Variants in KCNA6 observed in about 807,000 individuals in gnomAD.
KCNA6 encodes the protein human brain potassium channel-2.
A neutral mutation model predicts 29.5 loss-of-function variants in KCNA6; 17 were observed. The ratio of observed to expected loss-of-function variants is 0.58; its 90% CI spans 0.39 to 0.86. The LOEUF (loss-of-function observed/expected upper bound fraction) is 0.86, where lower values mean the gene tolerates loss of function less well. KCNA6 is among the 40% of genes least tolerant of loss of function. The probability of loss-of-function intolerance (pLI) is 0.00; values close to 1 mark genes in which losing one functional copy is unlikely to be tolerated. For synonymous variants in KCNA6, 296 were observed against 304.7 expected (o/e 0.97, Z 0.30); for missense variants, 450 against 703.4 (o/e 0.64, Z 4.07).
the KCNA6 span, among the ~76,000 whole-genome samples, chr12:4,827,911 T>C: frequency 8.5e-5 from 13 of 152,382 alleles, no homozygotes; most frequent in Admixed American, 2.6e-4. Flanking sequence ...GGGCTCCTAA[T>C]GTGCTGTTTG....
At chr12:4,823,973 T>C in the KCNA6 span, among the ~76,000 whole-genome samples, 1 of 152,152 alleles carries the variant, frequency 6.6e-6, no homozygotes, top group African/African-American at 2.4e-5. Flanking sequence ...GTGAACAATG[T>C]AGGCAGAAGG....
At chr12:4,834,223 C>A in the KCNA6 span, among the ~76,000 whole-genome samples, 1 of 152,112 alleles carries the variant, frequency 6.6e-6, no homozygotes, top group Non-Finnish European at 1.5e-5. Context: ...GTGTGAGCCA[C>A]CATGCCCAGC....
At chr12:4,850,255 G>T in the KCNA6 span, among the ~76,000 whole-genome samples, 1 of 152,088 alleles carries the variant, frequency 6.6e-6, no homozygotes, top group South Asian at 2.1e-4. The surrounding 1 kb of genome is among the most constrained non-coding windows in gnomAD (Gnocchi z 5.4). Flanking sequence ...CTCTTTCAGG[G>T]AGAGAGGAAC....
chr12:4,827,051 C>T, the KCNA6 span, among the ~76,000 whole-genome samples: 3 of 146,768 alleles, frequency 2.0e-5, no homozygotes, highest in Admixed American at 2.0e-4. Context: ...CCTCTCTTTG[C>T]TTCCTTCCCT....
rs1946634512 is a variant in KCNA6 at position 4,811,764 on chromosome 12, A to G, written c.*133A>G. The G allele has an allele frequency of 2.0e-6, 2 of 982,996 alleles. No individual in the cohort carries two copies. The highest frequency in any genetic ancestry group is 3.0e-6 in the Non-Finnish European group (2 of 656,270). The allele number at this position is 982,996 out of a possible 1,614,324, so 60.9% of individuals were successfully genotyped here. A position where few individuals can be genotyped will look rare whatever the true frequency, so the allele number is the denominator to read the frequency against. On this transcript the variant is annotated 3_prime_UTR_variant, in exon 1 of 1. Transcript: ENST00000280684. This position sits in a 1 kb window ranked among gnomAD's most constrained non-coding sequence, Gnocchi z 7.1. Reference sequence around the variant, plus strand: ...CCCCTACACCCACTACCTGGCATCCAGGACCAAATACCTGGACTATCAACC... The same window carrying G: ...CCCCTACACCCACTACCTGGCATCCGGGACCAAATACCTGGACTATCAACC...
chr12:4,809,995 T>G lies in KCNA6; in HGVS notation c.-47T>G, dbSNP rs1215135293. The G allele has an allele frequency of 1.0e-5, 15 of 1,498,214 alleles. No individual in the cohort carries two copies. In the South Asian group the frequency reaches 1.8e-4, roughly 18 times the overall value. The allele number at this position is 1,498,214 out of a possible 1,614,324, so 92.8% of individuals were successfully genotyped here. A position where few individuals can be genotyped will look rare whatever the true frequency, so the allele number is the denominator to read the frequency against. ...AGCGGGTGCCGCGCTCCAGAGATTG[T>G]GTCGTGGGCGCCGTCCTAGTGGCGG... is the stretch of plus-strand genomic sequence containing the variant. On this transcript the variant is annotated 5_prime_UTR_variant, in exon 1 of 1. Coordinates refer to ENST00000280684, the Ensembl canonical transcript of KCNA6.
the KCNA6 span, among the ~76,000 whole-genome samples, chr12:4,828,420 T>A: frequency 2.0e-5 from 3 of 152,378 alleles, no homozygotes; most frequent in East Asian, 5.8e-4. Context: ...TTGCTTCTAA[T>A]GAACGGTGCT....
rs143629654 is a variant in KCNA6, at chr12:4,810,145, G to A, written c.104G>A (p.Gly35Glu). The A allele has an allele frequency of 6.2e-7, 1 of 1,604,884 alleles. No individual in the cohort carries two copies. The highest frequency in any genetic ancestry group is 8.5e-7 in the Non-Finnish European group (1 of 1,176,046). ...GACTTCCCGGAGGCCGGCGGGGGCGGGGGCTGCTGTAGTAGCGAGCGGCTG... is the reference window on the plus strand; with the variant it reads ...GACTTCCCGGAGGCCGGCGGGGGCGAGGGCTGCTGTAGTAGCGAGCGGCTG... Residue 35 changes from glycine (G) to glutamate (E), a missense_variant, in exon 1 of 1, where the codon GGG becomes GAG. Coordinates refer to ENST00000280684, the Ensembl canonical transcript of KCNA6. The surrounding 1 kb of genome is among the most constrained non-coding windows in gnomAD (Gnocchi z 7.5).
chr12:4,812,144 C>G (rs1946638745), exon 1 of KCNA6: 1 of 171,638 alleles, frequency 5.8e-6, no homozygotes, highest in South Asian at 2.0e-4. Flanking sequence ...ATCACTGGTC[C>G]TCCTGCAGAT....
At position 4,810,347 on chromosome 12, in the gene KCNA6, T is replaced by G. The variant is rs765023185; in HGVS notation, c.306T>G (p.Ser102=). The stretch of plus-strand genomic sequence containing the variant: ...ACGCCATCCTCTACTACTACCAGTC[T>G]GGGGGCCGCCTGCGGAGGCCGGTCA... The change falls in exon 1 of 1, where the codon TCT becomes TCG. Residue 102 remains serine (S), a synonymous_variant. Coordinates refer to ENST00000280684, the Ensembl canonical transcript of KCNA6. This position sits in a 1 kb window ranked among gnomAD's most constrained non-coding sequence, Gnocchi z 7.5. 1 of 1,613,974 alleles carries G rather than the reference T, an allele frequency of 6.2e-7. No individual in the cohort carries two copies. Among genetic ancestry groups the G allele is most frequent in the East Asian group, 2.2e-5 (1 of 44,878 alleles).
chr12:4,837,913 C>A, the KCNA6 span, among the ~76,000 whole-genome samples: 6 of 151,868 alleles, frequency 4.0e-5, no homozygotes, highest in African/African-American at 7.3e-5. Context: ...TGAGTGTGGG[C>A]TCTGCAGCTC....
At position 4,810,481 on chromosome 12, in the gene KCNA6, A is replaced by T. The variant is rs1361329136; in HGVS notation, c.440A>T (p.Asp147Val). The T allele has an allele frequency of 4.3e-6, 7 of 1,614,118 alleles. No homozygotes were observed. The highest frequency in any genetic ancestry group is 1.1e-5 in the South Asian group (1 of 91,076). ...GGCTGCCTGCCCGAAGGTGGCGAGGACGAGAAGCCGCTGCCCTCCCAGCCC... is the reference window on the plus strand; with the variant it reads ...GGCTGCCTGCCCGAAGGTGGCGAGGTCGAGAAGCCGCTGCCCTCCCAGCCC... The change falls in exon 1 of 1, where the codon GAC becomes GTC. Residue 147 changes from aspartate to valine, a missense_variant. Physicochemically the swap from Asp to Val is radical, Grantham distance 152. Around this residue, in one of 7 missense-constraint regions of KCNA6, gnomAD observed 133 missense variants for 217.5 expected, o/e 0.61. Coordinates refer to ENST00000280684, the Ensembl canonical transcript of KCNA6. The surrounding 1 kb of genome is among the most constrained non-coding windows in gnomAD (Gnocchi z 7.5).
chr12:4,810,022 GA>G lies in KCNA6; in HGVS notation c.-19del. The G allele has an allele frequency of 6.7e-7, 1 of 1,485,390 alleles. No homozygotes were observed. Among genetic ancestry groups the G allele is most frequent in the East Asian group, 2.3e-5 (1 of 43,066 alleles). 92.0% of individuals were successfully genotyped at this position (1,485,390 alleles called of 1,614,324 possible). On this transcript the variant is annotated 5_prime_UTR_variant, in exon 1 of 1. Transcript: ENST00000280684. This position sits in a 1 kb window ranked among gnomAD's most constrained non-coding sequence, Gnocchi z 7.5. ...TCGTGGGCGCCGTCCTAGTGGCGGG[GA>G]GCGCACCTCCGAGGGGGCATGAGAT... is the stretch of plus-strand genomic sequence containing the variant.
At chr12:4,825,999 A>T in the KCNA6 span, among the ~76,000 whole-genome samples, 2 of 152,246 alleles carry the variant, frequency 1.3e-5, no homozygotes, top group Non-Finnish European at 2.9e-5. Context: ...TATCCTATTT[A>T]TGAAATCTTA....
the KCNA6 span, among the ~76,000 whole-genome samples, chr12:4,819,992 T>C: frequency 2.6e-5 from 4 of 152,120 alleles, no homozygotes; most frequent in Non-Finnish European, 5.9e-5. Context: ...GAGAGACCCT[T>C]AGAGACACCA....
the KCNA6 span, among the ~76,000 whole-genome samples, chr12:4,835,375 C>T: frequency 1.3e-5 from 2 of 152,236 alleles, no homozygotes; most frequent in South Asian, 4.1e-4. Flanking sequence ...ACCTTGTGAT[C>T]CGCCCGCCTC....
At chr12:4,830,023 C>A in the KCNA6 span, among the ~76,000 whole-genome samples, 1 of 152,208 alleles carries the variant, frequency 6.6e-6, no homozygotes, top group Admixed American at 6.5e-5. Flanking sequence ...CCCTGAGACT[C>A]ACAGGATGAA....
chr12:4,829,435 G>C, the KCNA6 span, among the ~76,000 whole-genome samples: 3 of 152,116 alleles, frequency 2.0e-5, no homozygotes, highest in Non-Finnish European at 4.4e-5. Context: ...TGCTCTTATT[G>C]CTCGCTAAAT....
downstream of KCNA6, among the ~76,000 whole-genome samples, chr12:4,816,617 TG>T (rs1408313547): frequency 6.6e-6 from 1 of 152,178 alleles, no homozygotes; most frequent in African/African-American, 2.4e-5. Context: ...CAAGGTTTTA[TG>T]TATTTATCTA....
Sources: gnomAD v4.1 joint callset for allele counts (sites outside exome capture counted in the v4.1 genomes callset) on GRCh38, gnomAD v4.1.1 for gene constraint, gnomAD v4.1.1 regional missense constraint, Gnocchi (gnomAD v3.1) non-coding constraint, MANE v1.5 for transcripts, NCBI Gene and HGNC (gene_info 2026-07-23, HGNC 2026-07-21) for gene names.